KCTD8: variants seen among roughly 807,000 people sequenced by gnomAD.
KCTD8 encodes the protein potassium channel tetramerization domain containing 8, also known as BTB/POZ domain-containing protein KCTD8.
Under a neutral mutation model 31.5 loss-of-function variants are expected in KCTD8, and 27 were observed. The ratio of observed to expected loss-of-function variants is 0.86; its 90% CI spans 0.63 to 1.18. The LOEUF (loss-of-function observed/expected upper bound fraction) is 1.18. Ranked by LOEUF, KCTD8 falls within the 50% of genes most tolerant of loss-of-function variation. KCTD8 has a pLI of 0.00. For missense variants in KCTD8, 658 were observed against 647.7 expected, an observed-to-expected ratio of 1.02 and a Z score of -0.17; for synonymous variants, 290 against 280.0, an observed-to-expected ratio of 1.04 and a Z score of -0.36.
At chr4:44,316,381 A>C (rs1410296268) in intron 1 of KCTD8, among the ~76,000 whole-genome samples, 1 of 151,902 alleles carries the variant, frequency 6.6e-6, no homozygotes, top group African/African-American at 2.4e-5. Context: ...TCTCTGCATT[A>C]TCTCTATTTC....
At chr4:44,367,190 T>C (rs753313417) in intron 1 of KCTD8, among the ~76,000 whole-genome samples, 9 of 152,248 alleles carry the variant, frequency 5.9e-5, no homozygotes, top group African/African-American at 1.7e-4. Flanking sequence ...ACCTCAGGCA[T>C]AGTGTCCTCA....
chr4:44,275,158 G>T (rs1433974272), intron 1 of KCTD8, among the ~76,000 whole-genome samples: 1 of 151,896 alleles, frequency 6.6e-6, no homozygotes. Flanking sequence ...GTAGAAATGA[G>T]ACAGGGATCA....
chr4:44,342,033 G>A lies in KCTD8; in HGVS notation c.961+105530C>T, dbSNP rs559414400. 3.3e-5 allele frequency among the ~76,000 whole-genome samples: 5 copies of A among 152,222 alleles called. No homozygotes were observed. The East Asian group carries it at 5.8e-4, about 18-fold the overall frequency. On this transcript the variant is annotated intron_variant, in intron 1 of 1. Transcript: ENST00000360029. ...ATTAATCTCTTTATAAATCTCCATC[G>A]GAGTTCTTGGGTGACCAAGTGCATT... is the stretch of plus-strand genomic sequence containing the variant.
chr4:44,357,475 A>C (rs1719373174), intron 1 of KCTD8, among the ~76,000 whole-genome samples: 1 of 152,216 alleles, frequency 6.6e-6, no homozygotes, highest in African/African-American at 2.4e-5. Context: ...TAAAAACAAA[A>C]GACCAAAAAT....
chr4:44,353,721 T>C (rs1719274476), intron 1 of KCTD8, among the ~76,000 whole-genome samples: 2 of 152,142 alleles, frequency 1.3e-5, no homozygotes, highest in Non-Finnish European at 2.9e-5. Flanking sequence ...TATTTGTCTT[T>C]CTGTGCCTGG....
At chr4:44,329,483 T>A (rs982904038) in intron 1 of KCTD8, among the ~76,000 whole-genome samples, 1 of 152,014 alleles carries the variant, frequency 6.6e-6, no homozygotes, top group Admixed American at 6.6e-5. Flanking sequence ...TAAGCATTAA[T>A]TTTAGTGACA....
At chr4:44,341,187 C>A (rs188356875) in intron 1 of KCTD8, among the ~76,000 whole-genome samples, 3 of 152,186 alleles carry the variant, frequency 2.0e-5, no homozygotes, top group South Asian at 2.1e-4. Context: ...AATATACATA[C>A]CTTAATTAAA....
intron 1 of KCTD8, among the ~76,000 whole-genome samples, chr4:44,194,273 CT>C (rs1200306514): frequency 6.6e-6 from 1 of 152,122 alleles, no homozygotes; most frequent in Non-Finnish European, 1.5e-5. Flanking sequence ...TTATAGTGCA[CT>C]TTAGTCTAAA....
chr4:44,303,248 A>C (rs1456133311), intron 1 of KCTD8, among the ~76,000 whole-genome samples: 1 of 152,106 alleles, frequency 6.6e-6, no homozygotes, highest in Non-Finnish European at 1.5e-5. Context: ...TGAGTTAGGG[A>C]GGATTCCCTC....
chr4:44,339,209 A>T (rs1208323239), intron 1 of KCTD8, among the ~76,000 whole-genome samples: 1 of 152,198 alleles, frequency 6.6e-6, no homozygotes, highest in Non-Finnish European at 1.5e-5. Flanking sequence ...CAAAGACAAC[A>T]AAGAATTTTG....
chr4:44,226,941 C>A (rs953933540), intron 1 of KCTD8, among the ~76,000 whole-genome samples: 1 of 148,530 alleles, frequency 6.7e-6, no homozygotes, highest in Non-Finnish European at 1.5e-5. Flanking sequence ...GGATATTACA[C>A]CTTTGTCAGA....
intron 1 of KCTD8, among the ~76,000 whole-genome samples, chr4:44,362,760 TTAAAGG>T (rs1719531183): frequency 6.6e-6 from 1 of 150,548 alleles, no homozygotes; most frequent in African/African-American, 2.4e-5. Context: ...TTCTTCTGTG[TTAAAGG>T]TAATTTTTTT....
chr4:44,260,279 T>A (rs971548178), intron 1 of KCTD8, among the ~76,000 whole-genome samples: 3 of 151,768 alleles, frequency 2.0e-5, no homozygotes, highest in Non-Finnish European at 2.9e-5. Context: ...AATATGAAAG[T>A]GATAATAATA....
intron 1 of KCTD8, among the ~76,000 whole-genome samples, chr4:44,257,437 A>G (rs1158479285): frequency 6.6e-6 from 1 of 152,030 alleles, no homozygotes; most frequent in African/African-American, 2.4e-5. Flanking sequence ...CCAAGGGCCT[A>G]GCCAAAGGCT....
At chr4:44,440,223 G>A (rs1029874426) in intron 1 of KCTD8, among the ~76,000 whole-genome samples, 6 of 152,004 alleles carry the variant, frequency 3.9e-5, no homozygotes, top group East Asian at 1.9e-4. Context: ...GTGAGCCACC[G>A]CACCCAGCTT....
chr4:44,362,446 T>C (rs1315445780), intron 1 of KCTD8, among the ~76,000 whole-genome samples: 1 of 152,088 alleles, frequency 6.6e-6, no homozygotes, highest in Non-Finnish European at 1.5e-5. Context: ...CAGTATTTGT[T>C]CCAAATACAT....
intron 1 of KCTD8, among the ~76,000 whole-genome samples, chr4:44,412,789 G>A (rs1720992964): frequency 6.6e-6 from 1 of 152,150 alleles, no homozygotes; most frequent in Non-Finnish European, 1.5e-5. Context: ...AAAAATTGAT[G>A]CTATCATTTT....
At chr4:44,258,844 TAAG>T (rs1314453442) in intron 1 of KCTD8, among the ~76,000 whole-genome samples, 1 of 151,824 alleles carries the variant, frequency 6.6e-6, no homozygotes, top group Non-Finnish European at 1.5e-5. Flanking sequence ...AACCACCACT[TAAG>T]AACTATGAGC....
chr4:44,279,278 C>T (rs970534069), intron 1 of KCTD8, among the ~76,000 whole-genome samples: 21 of 152,034 alleles, frequency 1.4e-4, no homozygotes, highest in Admixed American at 1.3e-3. Context: ...TAAAGTCTCA[C>T]AAGGATGAAA....
Sources: allele counts gnomAD v4.1 joint callset (sites outside exome capture counted in the v4.1 genomes callset), GRCh38; gene constraint gnomAD v4.1.1; transcripts MANE v1.5; gene names NCBI Gene and HGNC (gene_info 2026-07-23, HGNC 2026-07-21).